RIC1: variants seen among roughly 807,000 people sequenced by gnomAD.
RIC1 encodes RIC1 partner of RAB6A GEF complex.
Under a neutral mutation model 169.0 loss-of-function variants are expected in RIC1, and 88 were observed. The observed-to-expected ratio is 0.52, with a 90% CI of 0.44 to 0.62. RIC1 has a LOEUF of 0.62. RIC1 is among the 20% of genes least tolerant of loss of function. The pLI is 0.00. For missense variants in RIC1, 1,877 were observed against 1,725.5 expected (o/e 1.09, Z -1.56); for synonymous variants, 790 against 601.5 (o/e 1.31, Z -4.59).
intron 3 of RIC1, among the ~76,000 whole-genome samples, chr9:5,691,702 T>G (rs1264729083): frequency 2.0e-5 from 3 of 152,000 alleles, no homozygotes; most frequent in Admixed American, 2.0e-4. Flanking sequence ...TTAGATTTAC[T>G]GGTGCATTTT....
chr9:5,771,164 CTCT>C (rs755574120), intron 23 of RIC1, among the ~76,000 whole-genome samples: 12 of 152,162 alleles, frequency 7.9e-5, no homozygotes, highest in South Asian at 4.1e-4. Flanking sequence ...CTCCAGAATG[CTCT>C]TCATCTTCAA....
intron 1 of RIC1, among the ~76,000 whole-genome samples, chr9:5,649,739 GTT>G (rs36042296): frequency 1.2e-4 from 17 of 144,268 alleles, no homozygotes; most frequent in South Asian, 1.1e-3. Flanking sequence ...ATAATTTCTT[GTT>G]TTTTTTTTTT....
In RIC1 at chr9:5,658,607, A is replaced by C. The variant is rs140720751; in HGVS notation, c.252+1917A>C. Among the ~76,000 whole-genome samples, 127 of 152,220 alleles carry C rather than the reference A, an allele frequency of 8.3e-4. 1 individual carries two copies. The highest frequency in any genetic ancestry group is 2.9e-3 in the African/African-American group (122 of 41,568). ...ACTAATTCAGTACAACCCGAAGTAGAATCTAAGAAGTTGTATTAATTGATA... is the reference window on the plus strand; with the variant it reads ...ACTAATTCAGTACAACCCGAAGTAGCATCTAAGAAGTTGTATTAATTGATA... On this transcript the variant is annotated intron_variant, in intron 2 of 25. Coordinates refer to ENST00000414202, the MANE Select transcript of RIC1 (RefSeq NM_020829.4).
intron 2 of RIC1, among the ~76,000 whole-genome samples, chr9:5,680,718 G>A (rs555894813): frequency 8.0e-5 from 12 of 150,386 alleles, no homozygotes; most frequent in South Asian, 2.1e-4. Flanking sequence ...TTTTTATTGC[G>A]TCTGTTTGAT....
chr9:5,720,188 G>C lies in RIC1; in HGVS notation c.447G>C (p.Gln149His). The C allele has an allele frequency of 6.2e-7, 1 of 1,610,874 alleles. No individual in the cohort carries two copies. Among genetic ancestry groups the C allele is most frequent in the Non-Finnish European group, 8.5e-7 (1 of 1,177,378 alleles). ...TAATTGATTCTACCTACAGTTTGCA[G>C]TCTGTGTTGGAAGATCTCCTGGTTG... ...LDLQAPIMSLQSVLEDLLVAT... is the reference protein window; with the variant it reads ...LDLQAPIMSLHSVLEDLLVAT... Residue 149 changes from glutamine to histidine, a missense_variant, in exon 5 of 26, where the codon CAG (glutamine) becomes CAC (histidine). By Grantham distance (24) the Gln-to-His change is conservative. Around this residue, in one of 3 missense-constraint regions of RIC1, gnomAD observed 1,104 missense variants for 992.0 expected, o/e 1.11. Coordinates refer to ENST00000414202, the MANE Select transcript of RIC1 (RefSeq NM_020829.4).
intron 1 of RIC1, among the ~76,000 whole-genome samples, chr9:5,647,808 C>G (rs1818591733): frequency 6.6e-6 from 1 of 152,242 alleles, no homozygotes; most frequent in East Asian, 1.9e-4. Context: ...GAATGGGCAT[C>G]TTTGTCTTAA....
intron 3 of RIC1, among the ~76,000 whole-genome samples, chr9:5,695,350 A>G (rs1821825250): frequency 6.6e-6 from 1 of 152,172 alleles, no homozygotes; most frequent in Admixed American, 6.5e-5. Context: ...AGGTAACTGA[A>G]TCCTGGGAAA....
intron 2 of RIC1, among the ~76,000 whole-genome samples, chr9:5,661,591 G>A (rs1268541718): frequency 6.6e-6 from 1 of 152,154 alleles, no homozygotes; most frequent in East Asian, 1.9e-4. Context: ...ATTCATTTGT[G>A]ACCAACTGTG....
chr9:5,629,219 C>T lies in RIC1; in HGVS notation c.-91C>T, dbSNP rs1265408193. ...GCTGCCGCCGCCGCCGCCGCCGACTCGGCCGGTGGCGGTGTGGGAGGTGGG... is the reference window on the plus strand; with the variant it reads ...GCTGCCGCCGCCGCCGCCGCCGACTTGGCCGGTGGCGGTGTGGGAGGTGGG... On this transcript the variant is annotated 5_prime_UTR_variant, in exon 1 of 26. Coordinates refer to ENST00000414202, the MANE Select transcript of RIC1 (RefSeq NM_020829.4). 4 of 1,223,700 alleles carry T rather than the reference C, an allele frequency of 3.3e-6. No homozygotes were observed. Among genetic ancestry groups the T allele is most frequent in the Admixed American group, 4.2e-5 (1 of 23,536 alleles). 75.8% of individuals were successfully genotyped at this position (1,223,700 alleles called of 1,614,324 possible).
intron 2 of RIC1, among the ~76,000 whole-genome samples, chr9:5,678,799 G>T (rs373113087): frequency 6.6e-6 from 1 of 152,096 alleles, no homozygotes; most frequent in Admixed American, 6.6e-5. Flanking sequence ...TAGGTTGCCT[G>T]TTCACTCTGA....
intron 6 of RIC1, among the ~76,000 whole-genome samples, chr9:5,725,530 T>G (rs1477271201): frequency 6.6e-6 from 1 of 152,206 alleles, no homozygotes; most frequent in Non-Finnish European, 1.5e-5. Flanking sequence ...ATTGATTTTT[T>G]TGATGGTTTT....
At chr9:5,667,922 C>T (rs1350580403) in intron 2 of RIC1, among the ~76,000 whole-genome samples, 1 of 152,162 alleles carries the variant, frequency 6.6e-6, no homozygotes, top group African/African-American at 2.4e-5. Flanking sequence ...CTCTGCAGTA[C>T]CAATTTACTG....
Position 5,769,130 on chromosome 9 carries a change from C to T in RIC1, c.3298C>T (p.Arg1100Ter). 6.2e-7 allele frequency: 1 copy of T among 1,614,104 alleles called. No homozygotes were observed. The highest frequency in any genetic ancestry group is 8.5e-7 in the Non-Finnish European group (1 of 1,179,970). ...LISWLCKERT[R>*]AARVDNFVIA... ...TAGTTGGCTATGCAAGGAACGTACC[C>T]GAGCCGCCCGGGTAGACAACTTTGT... The change falls in exon 22 of 26, where the codon CGA becomes TGA. Residue 1100 changes from arginine (R) to a stop codon, truncating the protein, a stop_gained. Coordinates refer to ENST00000414202, the MANE Select transcript of RIC1 (RefSeq NM_020829.4). LOFTEE classifies it high-confidence loss of function.
At chr9:5,710,625 A>C (rs985668411) in intron 3 of RIC1, among the ~76,000 whole-genome samples, 4 of 152,212 alleles carry the variant, frequency 2.6e-5, no homozygotes, top group African/African-American at 9.6e-5. Context: ...CATTTTAGGA[A>C]AGTTTCCAGT....
At chr9:5,673,687 A>G (rs996500377) in intron 2 of RIC1, among the ~76,000 whole-genome samples, 1 of 151,638 alleles carries the variant, frequency 6.6e-6, no homozygotes, top group Admixed American at 6.6e-5. Flanking sequence ...AAGTGTATCT[A>G]TGAATGTGGA....
At chr9:5,659,049 A>G (rs569420824) in intron 2 of RIC1, among the ~76,000 whole-genome samples, 1 of 152,236 alleles carries the variant, frequency 6.6e-6, no homozygotes, top group Admixed American at 6.5e-5. Context: ...CAATTTACCA[A>G]AAAGGTTATT....
chr9:5,671,027 G>A (rs980519154), intron 2 of RIC1, among the ~76,000 whole-genome samples: 2 of 152,114 alleles, frequency 1.3e-5, no homozygotes, highest in African/African-American at 2.4e-5. Context: ...TATCTGAAAA[G>A]GCCAATCTTA....
At chr9:5,656,836 C>G (rs1819129175) in intron 2 of RIC1, 146 bp downstream of exon 2, 5 of 542,030 alleles carry the variant, frequency 9.2e-6, no homozygotes, top group Non-Finnish European at 1.6e-5. Context: ...ACTGATTATT[C>G]TATGTGGATT....
chr9:5,631,126 T>C lies in RIC1; in HGVS notation c.144+1673T>C, dbSNP rs73390653. 5.9e-3 allele frequency among the ~76,000 whole-genome samples: 898 copies of C among 152,336 alleles called. 10 individuals are homozygous for C. The highest frequency in any genetic ancestry group is 0.02 in the African/African-American group (849 of 41,572). On this transcript the variant is annotated intron_variant, in intron 1 of 25. Transcript: ENST00000414202. ...AGAGAAGCATAAACATATGCTTTAA[T>C]TTAGGGACATTGTGAATATTCTTAA...
Sources: allele counts gnomAD v4.1 joint callset (sites outside exome capture counted in the v4.1 genomes callset), GRCh38; gene constraint gnomAD v4.1.1; regional missense constraint gnomAD v4.1.1; transcripts MANE v1.5; gene names NCBI Gene and HGNC (gene_info 2026-07-23, HGNC 2026-07-21).